The following NRG1 variants were observed in gnomAD, a reference collection of about 807,000 sequenced individuals.
The protein encoded by NRG1 is pro-neuregulin-1, membrane-bound isoform.
NRG1 carries 18 observed loss-of-function variants against 63.8 expected under a neutral mutation model. That is an observed-to-expected ratio of 0.28 (90% CI 0.19 to 0.42). The LOEUF is 0.42. NRG1 is among the 10% of genes least tolerant of loss of function. The pLI, the probability that NRG1 is intolerant of heterozygous loss-of-function variation, is 1.00. For missense variants in NRG1, 762 were observed against 814.7 expected (o/e 0.94, Z 0.79); for synonymous variants, 302 against 301.3 (o/e 1.00, Z -0.02).
intron 1 of NRG1, among the ~76,000 whole-genome samples, chr8:32,304,931 CT>C (rs373927448): frequency 1.3e-4 from 20 of 152,214 alleles, no homozygotes; most frequent in Non-Finnish European, 2.5e-4. Context: ...CTGAGAATCT[CT>C]TGAACCCAGG....
At chr8:31,949,786 T>C (rs1347156302) in intron 1 of NRG1, among the ~76,000 whole-genome samples, 1 of 152,200 alleles carries the variant, frequency 6.6e-6, no homozygotes, top group African/African-American at 2.4e-5. Flanking sequence ...TCGAAGTGCA[T>C]AAAATACCCT....
chr8:32,532,277 T>A (rs1329429126), intron 1 of NRG1, among the ~76,000 whole-genome samples: 1 of 152,230 alleles, frequency 6.6e-6, no homozygotes, highest in African/African-American at 2.4e-5. Context: ...CATTTACTTA[T>A]AAATCAGAAG....
chr8:32,529,076 A>C (rs2129516912), intron 1 of NRG1, among the ~76,000 whole-genome samples: 1 of 152,308 alleles, frequency 6.6e-6, no homozygotes, highest in African/African-American at 2.4e-5. Context: ...ATTTACACAA[A>C]CCTAGATGGT....
intron 1 of NRG1, among the ~76,000 whole-genome samples, chr8:31,780,622 G>A (rs967729984): frequency 6.6e-6 from 1 of 152,122 alleles, no homozygotes; most frequent in Non-Finnish European, 1.5e-5. Context: ...CTTCATTTCT[G>A]ATTGATTTTC....
intron 5 of NRG1, among the ~76,000 whole-genome samples, chr8:32,630,440 A>T (rs1563806534): frequency 6.6e-6 from 1 of 152,194 alleles, no homozygotes; most frequent in African/African-American, 2.4e-5. Context: ...CACATTTGGG[A>T]TGAAGAGATA....
chr8:32,395,022 A>G (rs1457503407), intron 1 of NRG1, among the ~76,000 whole-genome samples: 1 of 152,160 alleles, frequency 6.6e-6, no homozygotes, highest in Non-Finnish European at 1.5e-5. Context: ...CTCTCAGCAA[A>G]AGAGAACGCA....
chr8:32,078,521 G>A (rs1318341154), intron 1 of NRG1, among the ~76,000 whole-genome samples: 2 of 152,136 alleles, frequency 1.3e-5, no homozygotes, highest in Non-Finnish European at 2.9e-5. Flanking sequence ...AATAAATAAC[G>A]CTGAGAGGAC....
intron 1 of NRG1, among the ~76,000 whole-genome samples, chr8:31,857,713 C>T (rs140294806): frequency 6.6e-6 from 1 of 152,190 alleles, no homozygotes; most frequent in Non-Finnish European, 1.5e-5. Context: ...TTGCTAATGA[C>T]TTACTACTTG....
At chr8:32,480,280 T>C (rs78201184) in intron 1 of NRG1, among the ~76,000 whole-genome samples, 2,061 of 152,092 alleles carry the variant, frequency 0.014, 22 homozygotes, top group Non-Finnish European at 0.023. Context: ...AGAAAGGTGA[T>C]TACCAGGTCT....
At chr8:32,224,121 A>AC (rs1458873481) in intron 1 of NRG1, among the ~76,000 whole-genome samples, 6 of 152,194 alleles carry the variant, frequency 3.9e-5, no homozygotes, top group Non-Finnish European at 7.4e-5. Flanking sequence ...TAAGAAGATG[A>AC]GCGAAAAGTA....
At chr8:31,859,037 C>T (rs1409971555) in intron 1 of NRG1, among the ~76,000 whole-genome samples, 1 of 152,020 alleles carries the variant, frequency 6.6e-6, no homozygotes, top group Non-Finnish European at 1.5e-5. Flanking sequence ...ACTTATTTCT[C>T]ATTGGCAAAA....
intron 1 of NRG1, among the ~76,000 whole-genome samples, chr8:32,291,786 C>T (rs907330868): frequency 1.3e-5 from 2 of 152,104 alleles, no homozygotes; most frequent in African/African-American, 4.8e-5. Flanking sequence ...CTCAAGTGAT[C>T]TGCTGGCCTC....
intron 1 of NRG1, among the ~76,000 whole-genome samples, chr8:32,319,395 G>C (rs1156518377): frequency 6.6e-6 from 1 of 152,158 alleles, no homozygotes; most frequent in Admixed American, 6.5e-5. Context: ...GGATGCAGAA[G>C]GATCTGGTCC....
At chr8:32,315,545 A>G (rs6999977) in intron 1 of NRG1, among the ~76,000 whole-genome samples, 20,721 of 152,182 alleles carry the variant, frequency 0.14, 1,514 homozygotes, top group South Asian at 0.18. Context: ...ACATATGCAC[A>G]CTCACCGAAC....
chr8:32,392,093 G>GA (rs1361928465), intron 1 of NRG1, among the ~76,000 whole-genome samples: 1 of 152,054 alleles, frequency 6.6e-6, no homozygotes, highest in Non-Finnish European at 1.5e-5. Flanking sequence ...GTTCATTTGG[G>GA]AAAAAAATTG....
At chr8:31,895,183 A>G (rs1464331943) in intron 1 of NRG1, among the ~76,000 whole-genome samples, 1 of 152,182 alleles carries the variant, frequency 6.6e-6, no homozygotes, top group Non-Finnish European at 1.5e-5. Context: ...AGCCTGATAG[A>G]TTTTGATATG....
chr8:31,642,979 AGTGT>A (rs34942505), intron 1 of NRG1, among the ~76,000 whole-genome samples: 31 of 151,062 alleles, frequency 2.1e-4, no homozygotes, highest in African/African-American at 6.1e-4. Flanking sequence ...TGAGTGTAAA[AGTGT>A]GTGTGTGTGT....
intron 1 of NRG1, among the ~76,000 whole-genome samples, chr8:32,264,789 G>A (rs969194916): frequency 2.3e-4 from 35 of 152,122 alleles, no homozygotes; most frequent in African/African-American, 8.2e-4. Flanking sequence ...CTCTATTAGT[G>A]GTTCCAATAC....
At chr8:31,906,052 G>T (rs187472716) in intron 1 of NRG1, among the ~76,000 whole-genome samples, 1 of 152,154 alleles carries the variant, frequency 6.6e-6, no homozygotes, top group Non-Finnish European at 1.5e-5. Context: ...AAAATAACAA[G>T]CATTTATTAA....
Sources: gnomAD v4.1 joint callset for allele counts (sites outside exome capture counted in the v4.1 genomes callset) on GRCh38, gnomAD v4.1.1 for gene constraint, MANE v1.5 for transcripts, NCBI Gene and HGNC (gene_info 2026-07-23, HGNC 2026-07-21) for gene names.